Variants in PAX3 observed in about 807,000 individuals in gnomAD.
The protein encoded by PAX3 is paired box protein Pax-3.
PAX3 carries 14 observed loss-of-function variants against 51.6 expected under a neutral mutation model. The ratio of observed to expected loss-of-function variants is 0.27; its 90% CI spans 0.18 to 0.42. The LOEUF (loss-of-function observed/expected upper bound fraction) is 0.42, where lower values mean the gene tolerates loss of function less well. PAX3 is among the 10% of genes least tolerant of loss of function. The pLI is 1.00. For missense variants in PAX3, 540 were observed against 642.8 expected, an observed-to-expected ratio of 0.84 and a Z score of 1.73; for synonymous variants, 280 against 253.4, an observed-to-expected ratio of 1.11 and a Z score of -1.00.
chr2:222,240,330 GC>G (rs1692965253), intron 4 of PAX3, among the ~76,000 whole-genome samples: 1 of 152,108 alleles, frequency 6.6e-6, no homozygotes, highest in Non-Finnish European at 1.5e-5. Context: ...GAGCTGCGCA[GC>G]CCCAAAGCCC....
intron 4 of PAX3, among the ~76,000 whole-genome samples, chr2:222,265,841 G>T (rs903968159): frequency 1.3e-5 from 2 of 152,188 alleles, no homozygotes; most frequent in Non-Finnish European, 2.9e-5. Context: ...TGACAGAACG[G>T]CTAGAATTCT....
chr2:222,292,590 C>G (rs898489875), intron 4 of PAX3, among the ~76,000 whole-genome samples: 4 of 152,220 alleles, frequency 2.6e-5, no homozygotes, highest in Non-Finnish European at 4.4e-5. Flanking sequence ...GAGTCCCCAG[C>G]CTCTGTGACT....
rs112960119 is a variant in PAX3 at position 222,201,097 on chromosome 2, T to C, written c.*311A>G. 288 of 1,470,298 alleles carry C rather than the reference T, an allele frequency of 2.0e-4. 2 individuals are homozygous for C. In the African/African-American group the frequency reaches 2.8e-3, roughly 14 times the overall value. 91.1% of individuals were successfully genotyped at this position (1,470,298 alleles called of 1,614,324 possible). A position where few individuals can be genotyped will look rare whatever the true frequency, so the allele number is the denominator to read the frequency against. ...CAAATGGAATGTTCTAGCTCCTCGA[T>C]GATCAGCACTAAAGAATTGGGATGT... On this transcript the variant is annotated 3_prime_UTR_variant, in exon 9 of 9. Transcript: ENST00000392070.
intron 4 of PAX3, among the ~76,000 whole-genome samples, chr2:222,291,704 C>T (rs1695044832): frequency 6.6e-6 from 1 of 152,200 alleles, no homozygotes; most frequent in Non-Finnish European, 1.5e-5. Context: ...CCTCCCTCAG[C>T]TTTCTTCTCC....
intron 4 of PAX3, among the ~76,000 whole-genome samples, chr2:222,238,662 C>T (rs1392646608): frequency 6.6e-6 from 1 of 152,104 alleles, no homozygotes; most frequent in Non-Finnish European, 1.5e-5. Context: ...ATAAGATGGC[C>T]TCATACCAAA....
chr2:222,261,733 T>C (rs555918939), intron 4 of PAX3, among the ~76,000 whole-genome samples: 1 of 152,342 alleles, frequency 6.6e-6, no homozygotes, highest in South Asian at 2.1e-4. Flanking sequence ...ATATTGCACA[T>C]TTGCAAATGC....
rs1693811865 is a variant in PAX3 at position 222,260,565 on chromosome 2, GTTTTTTTTTTTTGTTTTTTTTT to G, written c.587-28304_587-28283del. 1.1e-4 allele frequency among the ~76,000 whole-genome samples: 6 copies of G among 55,860 alleles called. No homozygotes were observed. The East Asian group carries it at 5.9e-3, about 55-fold the overall frequency. 36.6% of individuals were successfully genotyped at this position (55,860 alleles called of 152,430 possible). A position where few individuals can be genotyped will look rare whatever the true frequency, so the allele number is the denominator to read the frequency against. On this transcript the variant is annotated intron_variant, in intron 4 of 8. Coordinates refer to ENST00000392070, the MANE Select transcript of PAX3 (RefSeq NM_181458.4). ...CAAGCAACACAAGTTTTTTTTTTTT[GTTTTTTTTTTTTGTTTTTTTTT>G]TTTGTTTTTTTTTTTTTTTTTTGAG...
intron 4 of PAX3, among the ~76,000 whole-genome samples, chr2:222,267,978 T>A (rs1456718115): frequency 6.6e-6 from 1 of 152,192 alleles, no homozygotes; most frequent in African/African-American, 2.4e-5. Flanking sequence ...GAGTACTTAG[T>A]TCAATAATGG....
intron 4 of PAX3, among the ~76,000 whole-genome samples, chr2:222,281,545 TA>T (rs1694646867): frequency 6.6e-6 from 1 of 152,260 alleles, no homozygotes; most frequent in Non-Finnish European, 1.5e-5. Context: ...GTCAGTAACC[TA>T]AAGCTTGGCC....
chr2:222,243,289 C>T (rs892034470), intron 4 of PAX3, among the ~76,000 whole-genome samples: 2 of 152,182 alleles, frequency 1.3e-5, no homozygotes, highest in Non-Finnish European at 2.9e-5. Context: ...ATTGCAGAAT[C>T]CTTGAAAGGA....
chr2:222,265,692 G>GGAAGGAAGGA (rs1559296349), intron 4 of PAX3, among the ~76,000 whole-genome samples: 5 of 26,958 alleles, frequency 1.9e-4, no homozygotes, highest in African/African-American at 5.1e-4. Flanking sequence ...GGAAGGAAGG[G>GGAAGGAAGGA]AGAAAGATTG....
chr2:222,231,748 A>C (rs909716175), intron 5 of PAX3, among the ~76,000 whole-genome samples: 1 of 152,192 alleles, frequency 6.6e-6, no homozygotes, highest in Non-Finnish European at 1.5e-5. Context: ...ATTCATGTGA[A>C]GCACTTAAAA....
At chr2:222,291,379 A>G (rs1010985706) in intron 4 of PAX3, among the ~76,000 whole-genome samples, 7 of 152,158 alleles carry the variant, frequency 4.6e-5, no homozygotes, top group South Asian at 2.1e-4. Context: ...AGGGTGCATC[A>G]TGCTTAGCGC....
intron 7 of PAX3, among the ~76,000 whole-genome samples, chr2:222,206,840 T>C (rs1257377500): frequency 6.6e-6 from 1 of 152,154 alleles, no homozygotes; most frequent in Non-Finnish European, 1.5e-5. Flanking sequence ...TGCCTGAAGC[T>C]TATCAGAAAT....
At chr2:222,232,315 A>G in intron 4 of PAX3, 32 bp from the exon 5 acceptor site, 2 of 1,588,014 alleles carry the variant, frequency 1.3e-6, no homozygotes, top group South Asian at 2.2e-5. Context: ...ACATCATAAA[A>G]TGTGAATCAA....
chr2:222,246,439 C>T (rs767246483), intron 4 of PAX3, among the ~76,000 whole-genome samples: 15 of 152,232 alleles, frequency 9.9e-5, no homozygotes, highest in African/African-American at 1.9e-4. Context: ...TTTCATTGTG[C>T]GTTTTTGTTT....
rs200679164 is a variant in PAX3 at position 222,294,213 on chromosome 2, G to C, written c.540C>G (p.Ser180Arg). 61 of 1,614,226 alleles carry C rather than the reference G, an allele frequency of 3.8e-5. No individual in the cohort carries two copies. In the African/African-American group the frequency reaches 5.7e-4, roughly 15 times the overall value. Residue 180 changes from serine (S) to arginine (R), a missense_variant, in exon 4 of 9, where the codon AGC becomes AGG. By Grantham distance (110) the Ser-to-Arg change is moderately radical. Transcript: ENST00000392070. Reference protein sequence around the residue: ...ADLERKEAEESEKKAKHSIDG... With the variant: ...ADLERKEAEEREKKAKHSIDG... ...CGATGCTGTGTTTGGCCTTCTTCTC[G>C]CTTTCCTCTGCCTCCTTCCTCTCCA...
intron 5 of PAX3, among the ~76,000 whole-genome samples, chr2:222,225,647 A>G (rs575425436): frequency 6.6e-6 from 1 of 152,342 alleles, no homozygotes; most frequent in South Asian, 2.1e-4. Context: ...TTTGCTTAAT[A>G]TCTGGGGGTC....
intron 3 of PAX3, 102 bp from the exon 4 acceptor site, chr2:222,294,403 A>G: frequency 7.6e-7 from 1 of 1,309,104 alleles, no homozygotes. Context: ...CCAGGGCCCT[A>G]GAGCCGCTGC....
Sources: gnomAD v4.1 joint callset for allele counts (sites outside exome capture counted in the v4.1 genomes callset) on GRCh38, gnomAD v4.1.1 for gene constraint, MANE v1.5 for transcripts, NCBI Gene and HGNC (gene_info 2026-07-23, HGNC 2026-07-21) for gene names.